AMZ1: variants seen among roughly 807,000 people sequenced by gnomAD.
AMZ1 encodes the protein archaelysin family metallopeptidase 1.
In AMZ1, 39 loss-of-function variants were observed where a neutral mutation model predicts 29.9. The ratio of observed to expected loss-of-function variants is 1.30; its 90% CI spans 1.01 to 1.70. The LOEUF is 1.70. Ranked by LOEUF, AMZ1 falls within the 40% of genes most tolerant of loss-of-function variation. The probability of loss-of-function intolerance (pLI) is 0.00; values close to 1 mark genes in which losing one functional copy is unlikely to be tolerated. For missense variants in AMZ1, 1,041 were observed against 680.6 expected (o/e 1.53, Z -5.89); for synonymous variants, 458 against 304.0 (o/e 1.51, Z -5.27).
intron 4 of AMZ1, among the ~76,000 whole-genome samples, chr7:2,737,533 C>T (rs1003633359): frequency 2.6e-5 from 4 of 152,144 alleles, no homozygotes; most frequent in Admixed American, 1.3e-4. Context: ...AGGTAATCCA[C>T]CCACCTCAGC....
chr7:2,705,071 C>G (rs1456055925), intron 3 of AMZ1, among the ~76,000 whole-genome samples: 2 of 152,204 alleles, frequency 1.3e-5, no homozygotes, highest in African/African-American at 2.4e-5. Context: ...TTCATTGTGC[C>G]TTGTTATTTT....
chr7:2,750,363 T>C (rs1250342346), intron 4 of AMZ1, among the ~76,000 whole-genome samples: 5 of 152,212 alleles, frequency 3.3e-5, no homozygotes, highest in Admixed American at 6.5e-5. Context: ...CTGCAACTGA[T>C]AGGTTATGCC....
chr7:2,718,962 G>A lies in AMZ1; in HGVS notation c.*6084G>A, dbSNP rs1054369980. On this transcript the variant is annotated 3_prime_UTR_variant, in exon 7 of 7. Coordinates refer to ENST00000683327, the MANE Select transcript of AMZ1 (RefSeq NM_001384743.1). Reference sequence around the variant, plus strand: ...AGAGCTCCGGCCATTTATTCCAAATGTATGAGCAGGAAGGAAAGAGGGAGG... The same window carrying A: ...AGAGCTCCGGCCATTTATTCCAAATATATGAGCAGGAAGGAAAGAGGGAGG... Among the ~76,000 whole-genome samples, 13 of 151,820 alleles carry A rather than the reference G, an allele frequency of 8.6e-5. No individual in the cohort carries two copies. The highest frequency in any genetic ancestry group is 3.1e-4 in the African/African-American group (13 of 41,316).
upstream of AMZ1, among the ~76,000 whole-genome samples, chr7:2,687,909 C>G (rs77570952): frequency 1.3e-5 from 2 of 152,110 alleles, no homozygotes; most frequent in Non-Finnish European, 2.9e-5. Context: ...CTTCACCTGG[C>G]GCCTTGCAGA....
chr7:2,725,669 C>T (rs538909347), intron 4 of AMZ1, among the ~76,000 whole-genome samples: 2 of 152,354 alleles, frequency 1.3e-5, no homozygotes, highest in Non-Finnish European at 2.9e-5. Context: ...ACTCCCAGAG[C>T]TCAGTTACCC....
intron 4 of AMZ1, among the ~76,000 whole-genome samples, chr7:2,737,289 GTTTTT>G (rs11389467): frequency 9.6e-5 from 6 of 62,276 alleles, no homozygotes; most frequent in South Asian, 1.1e-3. Flanking sequence ...TTTTTTTTTT[GTTTTT>G]TTTTTTTTTT....
intron 2 of AMZ1, chr7:2,702,206 G>C (rs1186229078): frequency 1.8e-5 from 2 of 108,978 alleles, no homozygotes; most frequent in Non-Finnish European, 3.7e-5. Flanking sequence ...CTCCAGCCTC[G>C]ACCTGCACCC....
At position 2,719,224 on chromosome 7, in the gene AMZ1, G is replaced by A. The variant is rs1789310061; in HGVS notation, c.*6346G>A. Among the ~76,000 whole-genome samples, 1 of 152,272 alleles carries A rather than the reference G, an allele frequency of 6.6e-6. No homozygotes were observed. The highest frequency in any genetic ancestry group is 3.4e-3 in the Middle Eastern group (1 of 294). Reference sequence around the variant, plus strand: ...AGGTGGCCCCTGTCGGAAGGGGGGTGTCTCTTTATTCCTGCCATCCTCCGG... The same window carrying A: ...AGGTGGCCCCTGTCGGAAGGGGGGTATCTCTTTATTCCTGCCATCCTCCGG... On this transcript the variant is annotated 3_prime_UTR_variant, in exon 7 of 7. Transcript: ENST00000683327.
Position 2,712,503 on chromosome 7 carries a change from T to C in AMZ1, c.1122T>C (p.Ser374=), listed in dbSNP as rs543228255. ...AGCCCCTCACCCCTGATGCCGGGAG[T>C]CACACCTTCGCCTCGGGGCCAGAGG... ...VSEPLTPDAG[S]HTFASGPEEG... Residue 374 remains serine (S), a synonymous_variant, in exon 7 of 7, where the codon AGT becomes AGC. Transcript: ENST00000683327. 6.2e-7 allele frequency: 1 copy of C among 1,608,556 alleles called. No homozygotes were observed. The highest frequency in any genetic ancestry group is 2.2e-5 in the East Asian group (1 of 44,758).
In AMZ1 at chr7:2,706,474, C is replaced by T. The variant is rs567382868; in HGVS notation, c.473-2114C>T. Among the ~76,000 whole-genome samples, 53 of 152,332 alleles carry T rather than the reference C, an allele frequency of 3.5e-4. No homozygotes were observed. In the South Asian group the frequency reaches 9.1e-3, roughly 26 times the overall value. Reference sequence around the variant, plus strand: ...CTTAGGGACATTTCTTGTCTCACATCGCTGGAGCCTGCAGTTCTTAACCAA... The same window carrying T: ...CTTAGGGACATTTCTTGTCTCACATTGCTGGAGCCTGCAGTTCTTAACCAA... On this transcript the variant is annotated intron_variant, in intron 3 of 6. Transcript: ENST00000683327.
chr7:2,734,479 C>T (rs991860301), intron 4 of AMZ1, among the ~76,000 whole-genome samples: 3 of 152,220 alleles, frequency 2.0e-5, no homozygotes, highest in African/African-American at 2.4e-5. Context: ...CAAGGTCATA[C>T]ACATGTGGCG....
At chr7:2,735,206 G>A (rs1331256829) in intron 4 of AMZ1, among the ~76,000 whole-genome samples, 3 of 152,164 alleles carry the variant, frequency 2.0e-5, no homozygotes, top group Non-Finnish European at 2.9e-5. Context: ...GAGGTGCCAC[G>A]CAAGCCCAAG....
chr7:2,700,519 C>G lies in AMZ1; in HGVS notation c.68C>G (p.Ser23Cys), dbSNP rs1787987071. Residue 23 changes from serine (S) to cysteine (C), a missense_variant, in exon 2 of 7, where the codon TCC becomes TGC. Transcript: ENST00000683327. Reference sequence around the variant, plus strand: ...CGGGCCTTGAAGGACGCTCTGGTCTCCACTGACGCAGCCCTGCAGCAGCTG... The same window carrying G: ...CGGGCCTTGAAGGACGCTCTGGTCTGCACTGACGCAGCCCTGCAGCAGCTG... Reference protein sequence around the residue: ...GPRALKDALVSTDAALQQLYV... With the variant: ...GPRALKDALVCTDAALQQLYV... The G allele has an allele frequency of 6.2e-7, 1 of 1,607,776 alleles. No homozygotes were observed.
rs1244801742 is a variant in AMZ1, at chr7:2,731,018, T to G, written n.550+21202T>G. On this transcript the variant is annotated intron_variant and non_coding_transcript_variant, in intron 4 of 4. Coordinates refer to the AMZ1 transcript ENST00000489665. The surrounding 1 kb of genome is among the most constrained non-coding windows in gnomAD (Gnocchi z 6.0). ...GTGACAGTTTCCATGTCCTTTTGCCTAGAGCTCGCTGGCTGGCTGGTCTGA... is the reference window on the plus strand; with the variant it reads ...GTGACAGTTTCCATGTCCTTTTGCCGAGAGCTCGCTGGCTGGCTGGTCTGA... The G allele has an allele frequency of 1.8e-6, 1 of 567,104 alleles. No homozygotes were observed. Among genetic ancestry groups the G allele is most frequent in the Non-Finnish European group, 3.1e-6 (1 of 317,860 alleles). 35.1% of individuals were successfully genotyped at this position (567,104 alleles called of 1,614,324 possible).
upstream of AMZ1, among the ~76,000 whole-genome samples, chr7:2,685,432 C>T (rs576292588): frequency 5.9e-5 from 9 of 151,940 alleles, no homozygotes; most frequent in Middle Eastern, 3.4e-3. Flanking sequence ...GTGACGGGCA[C>T]CTGTAATCGC....
At chr7:2,763,059 A>C (rs2115403776), upstream of AMZ1, 2 of 1,246,624 alleles carry the variant, frequency 1.6e-6, no homozygotes, top group South Asian at 7.4e-5. Flanking sequence ...TCCAGGACGC[A>C]GACCGGGGCT....
upstream of AMZ1, among the ~76,000 whole-genome samples, chr7:2,761,458 A>G (rs954124771): frequency 3.3e-5 from 5 of 152,232 alleles, no homozygotes; most frequent in Non-Finnish European, 2.9e-5. Context: ...GAAGCCTAGT[A>G]CAAATAAAGA....
Position 2,691,212 on chromosome 7 carries a change from G to C in AMZ1, c.-219+2916G>C, listed in dbSNP as rs1395868958. ...AGGGTTTGCTGGCAGGGAAGCCTCT[G>C]ACCAGGGTTTTCGGGTGGTCAGGTG... On this transcript the variant is annotated intron_variant, in intron 1 of 6. Transcript: ENST00000683327. Among the ~76,000 whole-genome samples the C allele has an allele frequency of 2.0e-5, 3 of 146,414 alleles. No individual in the cohort carries two copies. In the East Asian group the frequency reaches 5.9e-4, roughly 29 times the overall value.
At chr7:2,754,639 T>C (rs1277695622) in intron 4 of AMZ1, among the ~76,000 whole-genome samples, 1 of 151,242 alleles carries the variant, frequency 6.6e-6, no homozygotes, top group African/African-American at 2.4e-5. Context: ...TCCCAGCTAT[T>C]AGGGGAGGCT....
Sources: gnomAD v4.1 joint callset for allele counts (sites outside exome capture counted in the v4.1 genomes callset) on GRCh38, gnomAD v4.1.1 for gene constraint, Gnocchi (gnomAD v3.1) non-coding constraint, MANE v1.5 for transcripts, NCBI Gene and HGNC (gene_info 2026-07-23, HGNC 2026-07-21) for gene names.